The following MND1 variants were observed in gnomAD, a reference collection of about 807,000 sequenced individuals.
MND1 encodes meiotic nuclear division protein 1 homolog.
A neutral mutation model predicts 35.1 loss-of-function variants in MND1; 28 were observed. The ratio of observed to expected loss-of-function variants is 0.80; its 90% confidence interval spans 0.59 to 1.09. The LOEUF is 1.09. Ranked by LOEUF, MND1 falls within the 50% of genes least tolerant of loss-of-function variation. The pLI is 0.00. For synonymous variants in MND1, 69 were observed against 70.5 expected (o/e 0.98, Z 0.11); for missense variants, 213 against 239.6 (o/e 0.89, Z 0.73).
intron 4 of MND1, among the ~76,000 whole-genome samples, chr4:153,382,738 C>T (rs560800060): frequency 2.8e-4 from 42 of 152,078 alleles, no homozygotes; most frequent in African/African-American, 9.9e-4. Flanking sequence ...TATTTTAGAT[C>T]GATGCCTTCT....
intron 7 of MND1, 130 bp from the exon 8 acceptor site, chr4:153,414,621 T>G: frequency 2.1e-6 from 1 of 475,968 alleles, no homozygotes; most frequent in Non-Finnish European, 3.8e-6. Context: ...CTCTTAAAAA[T>G]ACAGAAAACT....
intron 4 of MND1, among the ~76,000 whole-genome samples, chr4:153,368,869 G>T (rs1019689474): frequency 6.6e-6 from 1 of 152,172 alleles, no homozygotes; most frequent in Non-Finnish European, 1.5e-5. Context: ...ACAAAAATAT[G>T]TACTCCAAAA....
chr4:153,407,419 C>T (rs550055586), intron 6 of MND1, among the ~76,000 whole-genome samples: 32 of 152,102 alleles, frequency 2.1e-4, no homozygotes, highest in South Asian at 4.1e-4. Context: ...GCCAAGACCG[C>T]GCTATTGCAC....
At chr4:153,409,129 ATG>A (rs1267423935) in intron 7 of MND1, 114 bp downstream of exon 7, 2 of 430,908 alleles carry the variant, frequency 4.6e-6, no homozygotes, top group Admixed American at 7.1e-5. Context: ...TTAATGAAAA[ATG>A]TATGCATTAC....
In MND1 at chr4:153,358,490, A is replaced by G; in HGVS notation, c.144A>G (p.Lys48=). Residue 48 remains lysine, a synonymous_variant, in exon 4 of 8, where the codon AAA becomes AAG. Transcript: ENST00000240488. ...GTCTCTTAGCTGCTATGTCAGTAAA[A>G]GAAGTCCTTCAAAGCTTAGTTGATG... ...KEKGITAMSV[K]EVLQSLVDDG... is the part of the protein sequence containing the mutation. 2 of 1,601,848 alleles carry G rather than the reference A, an allele frequency of 1.2e-6. No homozygotes were observed. The highest frequency in any genetic ancestry group is 1.7e-6 in the Non-Finnish European group (2 of 1,174,574).
intron 6 of MND1, among the ~76,000 whole-genome samples, chr4:153,400,593 A>G (rs1435693384): frequency 6.6e-6 from 1 of 151,966 alleles, no homozygotes; most frequent in Non-Finnish European, 1.5e-5. Flanking sequence ...CAGTTTTATT[A>G]CCTTTCTACT....
intron 4 of MND1, among the ~76,000 whole-genome samples, chr4:153,388,141 A>G (rs1404693809): frequency 3.3e-5 from 5 of 152,212 alleles, no homozygotes; most frequent in African/African-American, 2.4e-5. Context: ...TTATCTGTAT[A>G]GGTGACCTGG....
chr4:153,346,405 G>A (rs1309732645), intron 1 of MND1, among the ~76,000 whole-genome samples: 1 of 152,158 alleles, frequency 6.6e-6, no homozygotes, highest in Admixed American at 6.5e-5. Context: ...TAGTCCTTGA[G>A]TCAGGTTTTG....
chr4:153,397,268 G>T lies in MND1; in HGVS notation c.401G>T (p.Arg134Met), dbSNP rs553628892. The T allele has an allele frequency of 3.1e-6, 5 of 1,612,946 alleles. No homozygotes were observed. In the South Asian group the frequency reaches 5.5e-5, roughly 18 times the overall value. Residue 134 changes from arginine (R) to methionine (M), a missense_variant, in exon 6 of 8, where the codon AGG becomes ATG. Arg to Met is a moderately conservative substitution (Grantham distance 91). Transcript: ENST00000240488. Reference sequence around the variant, plus strand: ...GAGCTTTCTTCACTTCGAGACCAAAGGGAACAGCTAAAGGCAGAAGTAGAA... The same window carrying T: ...GAGCTTTCTTCACTTCGAGACCAAATGGAACAGCTAAAGGCAGAAGTAGAA... ...AKELSSLRDQREQLKAEVEKY... is the reference protein window; with the variant it reads ...AKELSSLRDQMEQLKAEVEKY...
At chr4:153,388,840 C>T (rs182385084) in intron 4 of MND1, among the ~76,000 whole-genome samples, 80 of 152,252 alleles carry the variant, frequency 5.3e-4, no homozygotes, top group African/African-American at 1.8e-3. Context: ...CAAGAATATA[C>T]TGACAGTTGA....
At chr4:153,356,616 G>A (rs576738328) in intron 3 of MND1, among the ~76,000 whole-genome samples, 4 of 146,714 alleles carry the variant, frequency 2.7e-5, no homozygotes, top group Admixed American at 6.8e-5. Context: ...AGATTGCCAC[G>A]TTTCTCCACC....
At chr4:153,356,884 G>A (rs1301123582) in intron 3 of MND1, among the ~76,000 whole-genome samples, 1 of 152,076 alleles carries the variant, frequency 6.6e-6, no homozygotes, top group Non-Finnish European at 1.5e-5. Context: ...GCCCAGTGGT[G>A]CAGTCCTGGC....
At chr4:153,362,334 T>G (rs989072911) in intron 4 of MND1, among the ~76,000 whole-genome samples, 4 of 152,232 alleles carry the variant, frequency 2.6e-5, no homozygotes, top group Non-Finnish European at 5.9e-5. Context: ...CGGTTTCTCA[T>G]GAATGGTTTG....
intron 2 of MND1, among the ~76,000 whole-genome samples, chr4:153,353,470 C>A (rs1579894652): frequency 9.1e-6 from 1 of 110,116 alleles, no homozygotes; most frequent in African/African-American, 3.2e-5. Context: ...CTTATCTCTC[C>A]ATCAACTCTT....
At chr4:153,399,663 C>T (rs192497153) in intron 6 of MND1, among the ~76,000 whole-genome samples, 33 of 152,188 alleles carry the variant, frequency 2.2e-4, no homozygotes, top group Non-Finnish European at 4.4e-5. Flanking sequence ...ATACAAAGGA[C>T]GGTGAACTTT....
At chr4:153,390,241 C>T (rs1439984531) in intron 4 of MND1, among the ~76,000 whole-genome samples, 2 of 152,132 alleles carry the variant, frequency 1.3e-5, no homozygotes, top group African/African-American at 4.8e-5. Flanking sequence ...TGTTTGTTTC[C>T]AGTGGTTGGG....
At chr4:153,390,636 C>T (rs1561072723) in intron 4 of MND1, among the ~76,000 whole-genome samples, 1 of 151,920 alleles carries the variant, frequency 6.6e-6, no homozygotes, top group Non-Finnish European at 1.5e-5. Flanking sequence ...TGCTCGAGCC[C>T]AGGAGTTCAA....
At chr4:153,377,052 T>C (rs1022918362) in intron 4 of MND1, among the ~76,000 whole-genome samples, 4 of 152,242 alleles carry the variant, frequency 2.6e-5, no homozygotes, top group Non-Finnish European at 5.9e-5. Flanking sequence ...GTCAGAATTA[T>C]GAAAATCAAA....
chr4:153,384,443 ATTTTT>A (rs561004288), intron 4 of MND1, among the ~76,000 whole-genome samples: 35 of 63,184 alleles, frequency 5.5e-4, no homozygotes, highest in African/African-American at 1.3e-3. Context: ...CTAATGTTTA[ATTTTT>A]TTTTTTTTTT....
Sources: gnomAD v4.1 joint callset for allele counts (sites outside exome capture counted in the v4.1 genomes callset) on GRCh38, gnomAD v4.1.1 for gene constraint, MANE v1.5 for transcripts, NCBI Gene and HGNC (gene_info 2026-07-23, HGNC 2026-07-21) for gene names.